The following KCNQ1OT1 variants were observed in gnomAD, a reference collection of about 807,000 sequenced individuals.
The protein encoded by KCNQ1OT1 is KCNQ1 antisense RNA 2 (non-protein coding).
rs2133791113 is a variant in KCNQ1OT1, at chr11:2,611,183, T to C, written n.88812A>G. ...ATGCTTCTCAGTATCTCTAATAACA[T>C]GGTTTGTTTTTAAAGTCTATTTTGT... On this transcript the variant is annotated non_coding_transcript_exon_variant, in exon 1 of 1. Transcript: ENST00000597346. This position sits in a 1 kb window ranked among gnomAD's most constrained non-coding sequence, Gnocchi z 5.3. 1 of 398,522 alleles carries C rather than the reference T, an allele frequency of 2.5e-6. No homozygotes were observed. Among genetic ancestry groups the C allele is most frequent in the Non-Finnish European group, 4.4e-6 (1 of 226,036 alleles). The allele number at this position is 398,522 out of a possible 1,614,324, so 24.7% of individuals were successfully genotyped here.
In KCNQ1OT1 at chr11:2,681,551, C is replaced by T. The variant is rs571417652; in HGVS notation, n.18444G>A. On this transcript the variant is annotated non_coding_transcript_exon_variant, in exon 1 of 1. Coordinates refer to ENST00000597346, the Ensembl canonical transcript of KCNQ1OT1. ...CCATGATGCCTGGAAGGAACTTACCCTTTTCTAGAGTAACTTCCCTTTTCA... is the reference window on the plus strand; with the variant it reads ...CCATGATGCCTGGAAGGAACTTACCTTTTTCTAGAGTAACTTCCCTTTTCA... 17 of 398,510 alleles carry T rather than the reference C, an allele frequency of 4.3e-5. No homozygotes were observed. In the South Asian group the frequency reaches 1.8e-3, roughly 42 times the overall value. 24.7% of individuals were successfully genotyped at this position (398,510 alleles called of 1,614,324 possible).
At chr11:2,685,899 T>G (rs1850480443) in exon 1 of KCNQ1OT1, 2 of 398,632 alleles carry the variant, frequency 5.0e-6, no homozygotes, top group South Asian at 2.5e-4. Flanking sequence ...GAACTTGTTC[T>G]CCACGGATGA....
chr11:2,675,202 T>C (rs1850270804), exon 1 of KCNQ1OT1: 2 of 398,550 alleles, frequency 5.0e-6, no homozygotes, highest in Non-Finnish European at 8.8e-6. Context: ...GTCAATATTG[T>C]GTCATTTCCC....
exon 1 of KCNQ1OT1, chr11:2,625,893 T>A (rs768722659): frequency 2.5e-6 from 1 of 398,632 alleles, no homozygotes. Context: ...TCAGGTGCAT[T>A]GTTTTTTGGT....
At chr11:2,643,773 C>T in exon 1 of KCNQ1OT1, 1 of 398,506 alleles carries the variant, frequency 2.5e-6, no homozygotes. Flanking sequence ...TTTTGTAGTG[C>T]CAGTGTAGTG....
rs540740408 is a variant in KCNQ1OT1, at chr11:2,624,017, A to C, written n.75978T>G. 1 of 399,154 alleles carries C rather than the reference A, an allele frequency of 2.5e-6. No individual in the cohort carries two copies. The highest frequency in any genetic ancestry group is 4.4e-6 in the Non-Finnish European group (1 of 226,484). The allele number at this position is 399,154 out of a possible 1,614,324, so 24.7% of individuals were successfully genotyped here. ...TGGTATATGTCAAAGTGGCTGTACC[A>C]TTTTGCATTCCCACCAGCAATGGAT... On this transcript the variant is annotated non_coding_transcript_exon_variant, in exon 1 of 1. Coordinates refer to ENST00000597346, the Ensembl canonical transcript of KCNQ1OT1. This position sits in a 1 kb window ranked among gnomAD's most constrained non-coding sequence, Gnocchi z 4.9.
chr11:2,656,325 C>G, exon 1 of KCNQ1OT1: 1 of 398,726 alleles, frequency 2.5e-6, no homozygotes, highest in Non-Finnish European at 4.4e-6. Flanking sequence ...GGTCCCAGAC[C>G]TGTGGGTCTC....
Position 2,626,504 on chromosome 11 carries a change from T to C in KCNQ1OT1, n.73491A>G. ...TCTTTATGTCAATACCACATAGTTT[T>C]GATTACTGTAGCTTCGTAATAAGTT... On this transcript the variant is annotated non_coding_transcript_exon_variant, in exon 1 of 1. Coordinates refer to ENST00000597346, the Ensembl canonical transcript of KCNQ1OT1. This position sits in a 1 kb window ranked among gnomAD's most constrained non-coding sequence, Gnocchi z 4.0. 1 of 398,672 alleles carries C rather than the reference T, an allele frequency of 2.5e-6. No individual in the cohort carries two copies. Among genetic ancestry groups the C allele is most frequent in the Non-Finnish European group, 4.4e-6 (1 of 226,086 alleles). The allele number at this position is 398,672 out of a possible 1,614,324, so 24.7% of individuals were successfully genotyped here. A position where few individuals can be genotyped will look rare whatever the true frequency, so the allele number is the denominator to read the frequency against.
Position 2,682,065 on chromosome 11 carries a change from G to A in KCNQ1OT1, n.17930C>T, listed in dbSNP as rs1850407822. The A allele has an allele frequency of 2.5e-6, 1 of 398,496 alleles. No homozygotes were observed. The highest frequency in any genetic ancestry group is 2.1e-5 in the African/African-American group (1 of 48,608). The allele number at this position is 398,496 out of a possible 1,614,324, so 24.7% of individuals were successfully genotyped here. ...TTTTATAGATAATCTCCTAAGGGTT[G>A]AGGGATTGAGTCTAGGGCCCAGGGT... is the stretch of plus-strand genomic sequence containing the variant. On this transcript the variant is annotated non_coding_transcript_exon_variant, in exon 1 of 1. Transcript: ENST00000597346. This position sits in a 1 kb window ranked among gnomAD's most constrained non-coding sequence, Gnocchi z 5.8.
Position 2,698,741 on chromosome 11 carries a change from T to C in KCNQ1OT1, n.1254A>G. The C allele has an allele frequency of 2.5e-6, 1 of 398,516 alleles. No homozygotes were observed. 24.7% of individuals were successfully genotyped at this position (398,516 alleles called of 1,614,324 possible). Reference sequence around the variant, plus strand: ...GTCGCCAACTCGGACCTCCCTTGGATCTCAACTCAGAGCCATGATGCAGAC... The same window carrying C: ...GTCGCCAACTCGGACCTCCCTTGGACCTCAACTCAGAGCCATGATGCAGAC... On this transcript the variant is annotated non_coding_transcript_exon_variant, in exon 1 of 1. Coordinates refer to ENST00000597346, the Ensembl canonical transcript of KCNQ1OT1. This position sits in a 1 kb window ranked among gnomAD's most constrained non-coding sequence, Gnocchi z 5.1.
At chr11:2,635,014 C>T (rs1158920286) in exon 1 of KCNQ1OT1, 1 of 152,186 alleles carries the variant, frequency 6.6e-6, no homozygotes, top group Non-Finnish European at 1.5e-5. Flanking sequence ...CCTTTGCCCA[C>T]TTTTTGATAG....
chr11:2,645,386 C>T lies in KCNQ1OT1; in HGVS notation n.54609G>A, dbSNP rs991001310. 29 of 398,618 alleles carry T rather than the reference C, an allele frequency of 7.3e-5. No individual in the cohort carries two copies. The highest frequency in any genetic ancestry group is 6.2e-4 in the Middle Eastern group (1 of 1,612). 24.7% of individuals were successfully genotyped at this position (398,618 alleles called of 1,614,324 possible). A position where few individuals can be genotyped will look rare whatever the true frequency, so the allele number is the denominator to read the frequency against. ...GGCACTGGGAGAAAAGAGGGTGGGA[C>T]CAGGCCAGGTGGGCCTGTCCTGAGG... On this transcript the variant is annotated non_coding_transcript_exon_variant, in exon 1 of 1. Coordinates refer to ENST00000597346, the Ensembl canonical transcript of KCNQ1OT1. The surrounding 1 kb of genome is among the most constrained non-coding windows in gnomAD (Gnocchi z 5.8).
At chr11:2,615,430 C>T (rs1455038901) in exon 1 of KCNQ1OT1, 4 of 397,822 alleles carry the variant, frequency 1.0e-5, no homozygotes, top group Non-Finnish European at 1.8e-5. Flanking sequence ...TTAAAACTTT[C>T]AGTACATTGT....
rs1220064284 is a variant in KCNQ1OT1 at position 2,613,222 on chromosome 11, G to A, written n.86773C>T. On this transcript the variant is annotated non_coding_transcript_exon_variant, in exon 1 of 1. Transcript: ENST00000597346. This position sits in a 1 kb window ranked among gnomAD's most constrained non-coding sequence, Gnocchi z 4.8. Reference sequence around the variant, plus strand: ...TGTATTTTACTGTCTGCTTGCAAAAGGTCTCACAGTCAGCCAAGGATAAGT... The same window carrying A: ...TGTATTTTACTGTCTGCTTGCAAAAAGTCTCACAGTCAGCCAAGGATAAGT... 9 of 398,346 alleles carry A rather than the reference G, an allele frequency of 2.3e-5. No homozygotes were observed. Among genetic ancestry groups the A allele is most frequent in the Non-Finnish European group, 3.5e-5 (8 of 226,060 alleles). 24.7% of individuals were successfully genotyped at this position (398,346 alleles called of 1,614,324 possible). A position where few individuals can be genotyped will look rare whatever the true frequency, so the allele number is the denominator to read the frequency against.
chr11:2,670,049 A>C lies in KCNQ1OT1; in HGVS notation n.29946T>G, dbSNP rs966758675. The stretch of plus-strand genomic sequence containing the variant: ...AGGTACAGGCGGAAACCTAGCACTC[A>C]CTATTCTGCTCTGGGGAGGGGGTTG... On this transcript the variant is annotated non_coding_transcript_exon_variant, in exon 1 of 1. Transcript: ENST00000597346. This position sits in a 1 kb window ranked among gnomAD's most constrained non-coding sequence, Gnocchi z 4.9. 3.5e-5 allele frequency: 14 copies of C among 398,502 alleles called. No homozygotes were observed. Among genetic ancestry groups the C allele is most frequent in the Admixed American group, 4.4e-5 (1 of 22,712 alleles). 24.7% of individuals were successfully genotyped at this position (398,502 alleles called of 1,614,324 possible).
At chr11:2,660,735 A>C in exon 1 of KCNQ1OT1, 1 of 398,646 alleles carries the variant, frequency 2.5e-6, no homozygotes, top group East Asian at 3.6e-5. Flanking sequence ...CACTTCATTC[A>C]GGCATGGATG....
rs143070772 is a variant in KCNQ1OT1, at chr11:2,656,539, G to A, written n.43456C>T. 4.8e-4 allele frequency: 191 copies of A among 398,650 alleles called. No individual in the cohort carries two copies. In the East Asian group the frequency reaches 6.0e-3, roughly 12 times the overall value. The allele number at this position is 398,650 out of a possible 1,614,324, so 24.7% of individuals were successfully genotyped here. On this transcript the variant is annotated non_coding_transcript_exon_variant, in exon 1 of 1. Transcript: ENST00000597346. ...ACATTTCCCTGATTGCTAGTCAGGC[G>A]CAACACCTTTCCACATGCTCATCAG...
In KCNQ1OT1 at chr11:2,669,343, T is replaced by C. The variant is rs758721363; in HGVS notation, n.30652A>G. On this transcript the variant is annotated non_coding_transcript_exon_variant, in exon 1 of 1. Transcript: ENST00000597346. This position sits in a 1 kb window ranked among gnomAD's most constrained non-coding sequence, Gnocchi z 5.6. ...AGCCTCCTCTAGGCGCAGCAGCCTC[T>C]AGATGGGCATGGGAGAATGGGTATC... is the stretch of plus-strand genomic sequence containing the variant. The C allele has an allele frequency of 3.8e-5, 15 of 398,656 alleles. No homozygotes were observed. The Admixed American group carries it at 6.2e-4, about 16-fold the overall frequency. The allele number at this position is 398,656 out of a possible 1,614,324, so 24.7% of individuals were successfully genotyped here. A position where few individuals can be genotyped will look rare whatever the true frequency, so the allele number is the denominator to read the frequency against.
exon 1 of KCNQ1OT1, chr11:2,697,632 T>C (rs185275949): frequency 1.8e-4 from 73 of 398,608 alleles, no homozygotes; most frequent in African/African-American, 1.4e-3. Context: ...GAGGGAACCA[T>C]ATGGTTTTTC....
Sources: allele counts gnomAD v4.1 joint callset, GRCh38; gene constraint gnomAD v4.1.1; non-coding constraint Gnocchi (gnomAD v3.1); transcripts MANE v1.5; gene names NCBI Gene and HGNC (gene_info 2026-07-23, HGNC 2026-07-21).